MICU3: variants seen among roughly 807,000 people sequenced by gnomAD.
MICU3 encodes the protein mitochondrial calcium uptake 3.
A neutral mutation model predicts 66.5 loss-of-function variants in MICU3; 62 were observed. The ratio of observed to expected loss-of-function variants is 0.93; its 90% CI spans 0.76 to 1.15. The LOEUF is 1.15. Ranked by LOEUF, MICU3 falls within the 50% of genes most tolerant of loss-of-function variation. The pLI is 0.00. For synonymous variants in MICU3, 308 were observed against 240.7 expected (o/e 1.28, Z -2.59); for missense variants, 779 against 664.4 (o/e 1.17, Z -1.90).
At chr8:17,105,682 A>G in intron 11 of MICU3, 98 bp downstream of exon 11, 1 of 598,568 alleles carries the variant, frequency 1.7e-6, no homozygotes, top group Non-Finnish European at 2.8e-6. Flanking sequence ...TTCTCTGTGG[A>G]TTAAAAGATA....
chr8:17,040,059 C>T (rs1365081696), intron 1 of MICU3, among the ~76,000 whole-genome samples: 1 of 151,918 alleles, frequency 6.6e-6, no homozygotes, highest in Non-Finnish European at 1.5e-5. Context: ...AAGCATGCGC[C>T]AGCACGCCTG....
At chr8:17,051,502 T>G (rs766309981) in intron 1 of MICU3, among the ~76,000 whole-genome samples, 1 of 152,172 alleles carries the variant, frequency 6.6e-6, no homozygotes, top group African/African-American at 2.4e-5. Context: ...TAATTGTAGA[T>G]TTAAAAGAGG....
At chr8:17,118,300 G>A (rs527513028) in intron 13 of MICU3, among the ~76,000 whole-genome samples, 244 of 151,652 alleles carry the variant, frequency 1.6e-3, no homozygotes, top group African/African-American at 5.6e-3. Context: ...ACAGATAATA[G>A]CATACAAATA....
rs1414623104 is a variant in MICU3, at chr8:17,120,381, AAGT to A, written c.*97_*99del. On this transcript the variant is annotated 3_prime_UTR_variant, in exon 15 of 15. Coordinates refer to ENST00000318063, the MANE Select transcript of MICU3 (RefSeq NM_181723.3). The stretch of plus-strand genomic sequence containing the variant: ...ATGGAAGCAGGTCTGAGGTCAGAAG[AAGT>A]AGAGAATGAAGGAAAAGGTGAATGC... The A allele has an allele frequency of 6.6e-6, 1 of 152,096 alleles. No homozygotes were observed. Among genetic ancestry groups the A allele is most frequent in the African/African-American group, 2.4e-5 (1 of 41,434 alleles). 9.4% of individuals were successfully genotyped at this position (152,096 alleles called of 1,614,324 possible).
At chr8:17,135,295 G>A in the MICU3 span, among the ~76,000 whole-genome samples, 1 of 152,170 alleles carries the variant, frequency 6.6e-6, no homozygotes, top group South Asian at 2.1e-4. Context: ...CTACTCGGGA[G>A]GCTGAGGCAG....
intron 1 of MICU3, among the ~76,000 whole-genome samples, chr8:17,055,906 C>T (rs183655017): frequency 5.9e-5 from 9 of 152,252 alleles, no homozygotes; most frequent in East Asian, 1.9e-4. Flanking sequence ...GGGAGATGAT[C>T]GTTTTTGGAT....
At chr8:17,071,062 T>G (rs1819515313) in intron 3 of MICU3, among the ~76,000 whole-genome samples, 1 of 152,170 alleles carries the variant, frequency 6.6e-6, no homozygotes, top group Non-Finnish European at 1.5e-5. Flanking sequence ...GAACTTTCTA[T>G]TTAATGTTTT....
At chr8:17,048,035 G>T (rs1252257174) in intron 1 of MICU3, among the ~76,000 whole-genome samples, 3 of 152,150 alleles carry the variant, frequency 2.0e-5, no homozygotes, top group Non-Finnish European at 4.4e-5. Flanking sequence ...GTGTTTCATG[G>T]GGGAAACCAA....
chr8:17,036,482 G>A (rs1813013503), intron 1 of MICU3, among the ~76,000 whole-genome samples: 1 of 152,142 alleles, frequency 6.6e-6, no homozygotes, highest in African/African-American at 2.4e-5. Context: ...GTAGAGCCGA[G>A]TGGCCTGTTT....
At chr8:17,133,475 G>C in the MICU3 span, among the ~76,000 whole-genome samples, 4 of 151,844 alleles carry the variant, frequency 2.6e-5, no homozygotes, top group East Asian at 1.9e-4. Context: ...TATTCTTCCA[G>C]TGTATTATTT....
At chr8:17,048,283 T>C (rs1228856501) in intron 1 of MICU3, among the ~76,000 whole-genome samples, 1 of 152,060 alleles carries the variant, frequency 6.6e-6, no homozygotes, top group Non-Finnish European at 1.5e-5. Flanking sequence ...GGACTACATA[T>C]CCTAAATGTG....
At chr8:17,037,262 C>T (rs10105403) in intron 1 of MICU3, among the ~76,000 whole-genome samples, 11,519 of 152,268 alleles carry the variant, frequency 0.076, 1,507 homozygotes, top group African/African-American at 0.26. Flanking sequence ...GAAAGGGGCT[C>T]CCACAGTGCA....
chr8:17,058,219 A>G (rs1817274799), intron 1 of MICU3, among the ~76,000 whole-genome samples: 2 of 152,256 alleles, frequency 1.3e-5, no homozygotes, highest in South Asian at 2.1e-4. Flanking sequence ...TAGTAATGAA[A>G]GATGTTTTGG....
At chr8:17,081,866 T>G in intron 5 of MICU3, 126 bp downstream of exon 5, 1 of 574,054 alleles carries the variant, frequency 1.7e-6, no homozygotes, top group Non-Finnish European at 3.2e-6. Flanking sequence ...AATTCATGTT[T>G]AATGCTACAG....
At chr8:17,118,801 T>G in intron 14 of MICU3, 26 bp downstream of exon 14, 1 of 1,466,636 alleles carries the variant, frequency 6.8e-7, no homozygotes, top group Middle Eastern at 1.7e-4. Context: ...TTTGTCTAAA[T>G]TTGTTCAGTA....
chr8:17,087,153 G>T (rs544279657), intron 7 of MICU3, 118 bp downstream of exon 7: 3 of 682,014 alleles, frequency 4.4e-6, no homozygotes, highest in South Asian at 4.0e-5. Flanking sequence ...TGAAAACTTT[G>T]TAAAGTTTTT....
At chr8:17,031,950 C>G (rs1380245111) in intron 1 of MICU3, among the ~76,000 whole-genome samples, 1 of 152,110 alleles carries the variant, frequency 6.6e-6, no homozygotes, top group East Asian at 1.9e-4. Context: ...CTTTACTTGT[C>G]TTAGCCCCTT....
intron 3 of MICU3, among the ~76,000 whole-genome samples, chr8:17,071,278 G>T (rs954635909): frequency 6.6e-6 from 1 of 152,018 alleles, no homozygotes; most frequent in Non-Finnish European, 1.5e-5. Flanking sequence ...ATTTTCTCAC[G>T]GTTCTGGGGG....
intron 1 of MICU3, among the ~76,000 whole-genome samples, chr8:17,044,215 A>G (rs149962664): frequency 5.3e-5 from 8 of 152,308 alleles, no homozygotes; most frequent in African/African-American, 1.9e-4. Flanking sequence ...AAGGATATGA[A>G]CCTGAAAGTT....
Sources: allele counts gnomAD v4.1 joint callset (sites outside exome capture counted in the v4.1 genomes callset), GRCh38; gene constraint gnomAD v4.1.1; transcripts MANE v1.5; gene names NCBI Gene and HGNC (gene_info 2026-07-23, HGNC 2026-07-21).